The following ADGRB3 variants were observed in gnomAD, a reference collection of about 807,000 sequenced individuals.
ADGRB3 encodes brain-specific angiogenesis inhibitor 3.
A neutral mutation model predicts 193.4 loss-of-function variants in ADGRB3; 37 were observed. The ratio of observed to expected loss-of-function variants is 0.19; its 90% CI spans 0.15 to 0.25. The LOEUF (loss-of-function observed/expected upper bound fraction) is 0.25. ADGRB3 is among the 10% of genes least tolerant of loss of function. ADGRB3 has a pLI of 1.00. For missense variants in ADGRB3, 1,637 were observed against 1,852.9 expected (o/e 0.88, Z 2.14); for synonymous variants, 690 against 644.2 (o/e 1.07, Z -1.08).
intron 20 of ADGRB3, among the ~76,000 whole-genome samples, chr6:69,307,246 TATTAAAGA>T (rs1385816223): frequency 6.6e-6 from 1 of 151,532 alleles, no homozygotes; most frequent in Non-Finnish European, 1.5e-5. Context: ...AAAGTTATAG[TATTAAAGA>T]ACCAACCACA....
intron 20 of ADGRB3, among the ~76,000 whole-genome samples, chr6:69,289,490 C>A (rs1238935822): frequency 6.6e-6 from 1 of 152,136 alleles, no homozygotes; most frequent in Non-Finnish European, 1.5e-5. Context: ...GATTTAATTT[C>A]AGGTGTTACG....
intron 20 of ADGRB3, among the ~76,000 whole-genome samples, chr6:69,281,359 C>T (rs1767431363): frequency 6.6e-6 from 1 of 152,098 alleles, no homozygotes; most frequent in Non-Finnish European, 1.5e-5. Context: ...TACTCATTTT[C>T]CAGGAAACAT....
chr6:69,075,923 T>C, intron 16 of ADGRB3, 72 bp from the exon 17 acceptor site: 1 of 1,143,502 alleles, frequency 8.7e-7, no homozygotes, highest in Middle Eastern at 2.2e-4. Flanking sequence ...TCTGTTTCTA[T>C]TTCACATAAT....
chr6:69,078,288 A>G (rs1195969082), intron 17 of ADGRB3, among the ~76,000 whole-genome samples: 1 of 151,958 alleles, frequency 6.6e-6, no homozygotes, highest in African/African-American at 2.4e-5. Flanking sequence ...GTAAAACTTT[A>G]AGGCAGAACT....
chr6:69,258,354 T>C (rs2127271485), intron 20 of ADGRB3, among the ~76,000 whole-genome samples: 1 of 152,340 alleles, frequency 6.6e-6, no homozygotes, highest in East Asian at 1.9e-4. Flanking sequence ...TGTGTAATGT[T>C]GGTGTCATTT....
At chr6:68,846,465 GA>G (rs1267214911) in intron 3 of ADGRB3, among the ~76,000 whole-genome samples, 3 of 152,196 alleles carry the variant, frequency 2.0e-5, no homozygotes, top group Non-Finnish European at 4.4e-5. Context: ...TGCCCAGGAG[GA>G]AAAAATGATT....
At chr6:69,256,073 G>T (rs1032586350) in intron 20 of ADGRB3, among the ~76,000 whole-genome samples, 6 of 151,510 alleles carry the variant, frequency 4.0e-5, no homozygotes, top group Admixed American at 6.6e-5. Context: ...TCTCTGTTTT[G>T]GTACCAGTAC....
chr6:68,795,721 A>G (rs1047053887), intron 3 of ADGRB3, among the ~76,000 whole-genome samples: 1 of 152,138 alleles, frequency 6.6e-6, no homozygotes, highest in African/African-American at 2.4e-5. Context: ...CCGAATGTTC[A>G]TGAATGGGAT....
chr6:68,728,503 T>G (rs1765714448), intron 3 of ADGRB3, among the ~76,000 whole-genome samples: 1 of 151,606 alleles, frequency 6.6e-6, no homozygotes, highest in Non-Finnish European at 1.5e-5. Context: ...AAACTATTTT[T>G]AAAAACACTC....
chr6:69,342,264 TGA>T (rs1026353990), intron 26 of ADGRB3, among the ~76,000 whole-genome samples: 10 of 152,166 alleles, frequency 6.6e-5, no homozygotes, highest in African/African-American at 2.4e-4. Context: ...TAGTTCAAGT[TGA>T]ATAATTTTAT....
At chr6:69,061,994 A>T (rs1352162455) in intron 15 of ADGRB3, among the ~76,000 whole-genome samples, 1 of 151,974 alleles carries the variant, frequency 6.6e-6, no homozygotes, top group African/African-American at 2.4e-5. Flanking sequence ...AAGGAGAAAA[A>T]AATTAAATGA....
At chr6:68,671,268 C>A (rs1158242545) in intron 3 of ADGRB3, among the ~76,000 whole-genome samples, 1 of 151,908 alleles carries the variant, frequency 6.6e-6, no homozygotes, top group East Asian at 1.9e-4. Flanking sequence ...TCGGATTGCT[C>A]TAGGTAGGAC....
At chr6:68,868,725 C>T (rs533081566) in intron 3 of ADGRB3, among the ~76,000 whole-genome samples, 7 of 152,240 alleles carry the variant, frequency 4.6e-5, no homozygotes, top group African/African-American at 1.7e-4. Context: ...CTATTATTAT[C>T]TTTCTCTGAG....
chr6:69,182,225 A>G (rs529727927), intron 17 of ADGRB3, among the ~76,000 whole-genome samples: 1 of 152,314 alleles, frequency 6.6e-6, no homozygotes, highest in Admixed American at 6.5e-5. Flanking sequence ...TATGGCATAG[A>G]GAAAAATTGC....
At chr6:68,900,806 A>C (rs1234899893) in intron 3 of ADGRB3, among the ~76,000 whole-genome samples, 2 of 152,182 alleles carry the variant, frequency 1.3e-5, no homozygotes, top group African/African-American at 4.8e-5. Flanking sequence ...TTTCCATCAT[A>C]GAAGGAACAG....
intron 3 of ADGRB3, among the ~76,000 whole-genome samples, chr6:68,923,961 G>A (rs1244409682): frequency 1.3e-5 from 2 of 152,060 alleles, no homozygotes; most frequent in Non-Finnish European, 2.9e-5. Flanking sequence ...CTGTAAAGGT[G>A]TTAACAATTA....
chr6:68,819,141 C>T (rs1220846586), intron 3 of ADGRB3, among the ~76,000 whole-genome samples: 1 of 151,862 alleles, frequency 6.6e-6, no homozygotes, highest in Non-Finnish European at 1.5e-5. Flanking sequence ...ATGATATGCA[C>T]CTATCCTCAT....
intron 3 of ADGRB3, among the ~76,000 whole-genome samples, chr6:68,877,432 C>T (rs553835293): frequency 2.0e-5 from 3 of 152,126 alleles, no homozygotes; most frequent in Admixed American, 1.3e-4. Context: ...ACTGCACTAT[C>T]TCATAATTTG....
chr6:68,857,713 A>T (rs1184614918), intron 3 of ADGRB3, among the ~76,000 whole-genome samples: 5 of 152,084 alleles, frequency 3.3e-5, no homozygotes, highest in Non-Finnish European at 5.9e-5. Flanking sequence ...ATGAGCTGAG[A>T]CTTTGGGGGA....
Sources: allele counts gnomAD v4.1 joint callset (sites outside exome capture counted in the v4.1 genomes callset), GRCh38; gene constraint gnomAD v4.1.1; transcripts MANE v1.5; gene names NCBI Gene and HGNC (gene_info 2026-07-23, HGNC 2026-07-21).